The following SNTG1 variants were observed in gnomAD, a reference collection of about 807,000 sequenced individuals.
The protein encoded by SNTG1 is syntrophin gamma 1.
A neutral mutation model predicts 74.7 loss-of-function variants in SNTG1; 39 were observed. The ratio of observed to expected loss-of-function variants is 0.52; its 90% CI spans 0.40 to 0.68. SNTG1 has a LOEUF of 0.68. SNTG1 is among the 30% of genes least tolerant of loss of function. The pLI is 0.00. For synonymous variants in SNTG1, 254 were observed against 217.1 expected (o/e 1.17, Z -1.49); for missense variants, 685 against 609.5 (o/e 1.12, Z -1.30).
chr8:50,310,995 A>G (rs911245900), intron 2 of SNTG1, among the ~76,000 whole-genome samples: 13 of 152,192 alleles, frequency 8.5e-5, no homozygotes, highest in African/African-American at 1.2e-4. Context: ...TTATTTCAAG[A>G]TCACACAGCT....
At chr8:49,965,725 C>A (rs1308328142) in intron 1 of SNTG1, among the ~76,000 whole-genome samples, 1 of 152,100 alleles carries the variant, frequency 6.6e-6, no homozygotes, top group Non-Finnish European at 1.5e-5. Flanking sequence ...ACAAATAGGG[C>A]CCACTCTGGC....
intron 1 of SNTG1, among the ~76,000 whole-genome samples, chr8:49,936,696 A>G (rs1362009302): frequency 6.6e-6 from 1 of 152,216 alleles, no homozygotes; most frequent in Non-Finnish European, 1.5e-5. Flanking sequence ...AAATGTTCAT[A>G]GCACCCTTAT....
chr8:50,031,294 A>G (rs1222390860), intron 1 of SNTG1, among the ~76,000 whole-genome samples: 3 of 151,914 alleles, frequency 2.0e-5, no homozygotes, highest in African/African-American at 4.8e-5. Flanking sequence ...AATAAGTTCT[A>G]TTTTATTTTT....
intron 17 of SNTG1, among the ~76,000 whole-genome samples, chr8:50,748,881 G>T (rs558265699): frequency 6.6e-6 from 1 of 151,790 alleles, no homozygotes; most frequent in African/African-American, 2.4e-5. Context: ...CTGTACTTAG[G>T]CCTCCCTATT....
chr8:50,153,019 C>T (rs575425774), intron 1 of SNTG1, among the ~76,000 whole-genome samples: 22 of 152,286 alleles, frequency 1.4e-4, no homozygotes, highest in African/African-American at 4.6e-4. Context: ...TGGTTCTATT[C>T]TCCCCGTCAC....
At chr8:50,190,859 C>A (rs903257237) in intron 2 of SNTG1, among the ~76,000 whole-genome samples, 1 of 152,026 alleles carries the variant, frequency 6.6e-6, no homozygotes, top group African/African-American at 2.4e-5. Context: ...GTAGGTGAAG[C>A]AAAACAGCTA....
chr8:50,398,304 G>A (rs1207393419), intron 3 of SNTG1, among the ~76,000 whole-genome samples: 1 of 152,058 alleles, frequency 6.6e-6, no homozygotes, highest in African/African-American at 2.4e-5. Flanking sequence ...CATCATACAG[G>A]GCGTTAGCAC....
intron 2 of SNTG1, among the ~76,000 whole-genome samples, chr8:50,344,464 C>T (rs1394796294): frequency 6.6e-6 from 1 of 152,062 alleles, no homozygotes; most frequent in Non-Finnish European, 1.5e-5. Flanking sequence ...CACACTCCAT[C>T]CAGTTTCAAG....
intron 1 of SNTG1, among the ~76,000 whole-genome samples, chr8:50,075,054 C>T (rs1821724415): frequency 6.6e-6 from 1 of 152,206 alleles, no homozygotes; most frequent in Admixed American, 6.5e-5. Context: ...TGCCGGCCGC[C>T]CACACTGCCC....
At chr8:50,773,510 G>T (rs1174163546) in intron 18 of SNTG1, among the ~76,000 whole-genome samples, 3 of 152,068 alleles carry the variant, frequency 2.0e-5, no homozygotes, top group Non-Finnish European at 4.4e-5. Context: ...TTTGCTTCTA[G>T]TAATTTACAG....
intron 18 of SNTG1, among the ~76,000 whole-genome samples, chr8:50,754,405 A>G (rs1300041692): frequency 6.6e-6 from 1 of 151,904 alleles, no homozygotes; most frequent in Non-Finnish European, 1.5e-5. Context: ...CATAGTCTTC[A>G]TTTACATATC....
rs2093622140 is a variant in SNTG1 at position 50,467,915 on chromosome 8, T to TTAAC, written c.363+17187_363+17190dup. Among the ~76,000 whole-genome samples the TTAAC allele has an allele frequency of 2.0e-5, 3 of 152,056 alleles. No individual in the cohort carries two copies. In the East Asian group the frequency reaches 5.8e-4, roughly 29 times the overall value. ...CACATGCTATATAGAAGAGTACTGA[T>TTAAC]TAACCTCCAAATAGCTGGGGATTTT... is the stretch of plus-strand genomic sequence containing the variant. On this transcript the variant is annotated intron_variant, in intron 8 of 18. Coordinates refer to ENST00000642720, the MANE Select transcript of SNTG1 (RefSeq NM_018967.5).
chr8:50,266,643 ATTAT>A (rs2087481077), intron 2 of SNTG1, among the ~76,000 whole-genome samples: 1 of 101,448 alleles, frequency 9.9e-6, no homozygotes, highest in Non-Finnish European at 2.1e-5. Flanking sequence ...AAGACACAGA[ATTAT>A]GTGTGTGTGT....
At chr8:50,216,836 A>T (rs2084812134) in intron 2 of SNTG1, among the ~76,000 whole-genome samples, 1 of 152,092 alleles carries the variant, frequency 6.6e-6, no homozygotes. Flanking sequence ...AGATTACTGG[A>T]TGCATTTATT....
chr8:50,370,201 A>C (rs1157789735), intron 2 of SNTG1, among the ~76,000 whole-genome samples: 1 of 152,168 alleles, frequency 6.6e-6, no homozygotes, highest in East Asian at 1.9e-4. Flanking sequence ...GGCTACATAA[A>C]TGACATGAAA....
chr8:50,082,923 G>T (rs977735831), intron 1 of SNTG1, among the ~76,000 whole-genome samples: 2 of 152,000 alleles, frequency 1.3e-5, no homozygotes, highest in Non-Finnish European at 2.9e-5. Flanking sequence ...CCCCAACTAC[G>T]ACCTCAATCT....
At chr8:50,400,441 T>C (rs1032754684) in intron 3 of SNTG1, among the ~76,000 whole-genome samples, 4 of 152,226 alleles carry the variant, frequency 2.6e-5, no homozygotes, top group Admixed American at 6.5e-5. Context: ...ATTTCATATC[T>C]TGGCTGTTGT....
At chr8:49,997,171 A>G (rs898990184) in intron 1 of SNTG1, among the ~76,000 whole-genome samples, 1 of 152,156 alleles carries the variant, frequency 6.6e-6, no homozygotes, top group African/African-American at 2.4e-5. Flanking sequence ...AGGAATCAGA[A>G]TTGTACACAT....
rs189726843 is a variant in SNTG1, at chr8:50,394,993, C to A, written c.27+728C>A. ...TTTTTATTGTATATAAACAACTCAA[C>A]AAAAACCAACCATAACTGCTTACCT... is the stretch of plus-strand genomic sequence containing the variant. On this transcript the variant is annotated intron_variant, in intron 3 of 18. Transcript: ENST00000642720. Among the ~76,000 whole-genome samples the A allele has an allele frequency of 3.6e-3, 545 of 151,934 alleles. 3 individuals are homozygous for A. Among genetic ancestry groups the A allele is most frequent in the Admixed American group, 6.0e-3 (91 of 15,252 alleles).
Sources: gnomAD v4.1 joint callset for allele counts (sites outside exome capture counted in the v4.1 genomes callset) on GRCh38, gnomAD v4.1.1 for gene constraint, MANE v1.5 for transcripts, NCBI Gene and HGNC (gene_info 2026-07-23, HGNC 2026-07-21) for gene names.